The following MED12L variants were observed in gnomAD, a reference collection of about 807,000 sequenced individuals.
The protein encoded by MED12L is mediator complex subunit 12L.
A neutral mutation model predicts 281.3 loss-of-function variants in MED12L; 60 were observed. The ratio of observed to expected loss-of-function variants is 0.21; its 90% CI spans 0.17 to 0.26. The LOEUF is 0.26. Ranked by LOEUF, MED12L falls within the 10% of genes least tolerant of loss-of-function variation. The probability of loss-of-function intolerance (pLI) is 1.00; values close to 1 mark genes in which losing one functional copy is unlikely to be tolerated. For synonymous variants in MED12L, 974 were observed against 987.2 expected (o/e 0.99, Z 0.25); for missense variants, 2,146 against 2,680.9 (o/e 0.80, Z 4.41).
At chr3:151,280,804 A>G (rs1198699185) in intron 16 of MED12L, among the ~76,000 whole-genome samples, 66 of 151,666 alleles carry the variant, frequency 4.4e-4, no homozygotes, top group Non-Finnish European at 1.6e-4. Flanking sequence ...CTCTGTGCCT[A>G]CTAGATCTTT....
intron 16 of MED12L, chr3:151,340,820 A>T (rs1751717294): frequency 6.6e-6 from 1 of 152,574 alleles, no homozygotes; most frequent in African/African-American, 2.4e-5. Flanking sequence ...GTCTTCAAAC[A>T]CTGGACTCAA....
At chr3:151,100,774 C>A (rs1721292199) in intron 2 of MED12L, among the ~76,000 whole-genome samples, 1 of 152,066 alleles carries the variant, frequency 6.6e-6, no homozygotes, top group South Asian at 2.1e-4. Context: ...TCACTTGAAT[C>A]TGCTTTTAAG....
intron 16 of MED12L, among the ~76,000 whole-genome samples, chr3:151,306,399 C>A (rs1003711440): frequency 6.6e-5 from 10 of 152,110 alleles, no homozygotes; most frequent in African/African-American, 2.4e-4. Flanking sequence ...AAGTGAAAAC[C>A]CTACTGATTG....
chr3:151,122,422 A>G (rs1272307039), intron 3 of MED12L, among the ~76,000 whole-genome samples: 1 of 152,240 alleles, frequency 6.6e-6, no homozygotes, highest in Non-Finnish European at 1.5e-5. Flanking sequence ...CAGGGAAAGC[A>G]TTCTCTCCTG....
rs1719699910 is a variant in MED12L at position 151,432,944 on chromosome 3, A to C, written c.*140A>C. 6 of 440,870 alleles carry C rather than the reference A, an allele frequency of 1.4e-5. No individual in the cohort carries two copies. The highest frequency in any genetic ancestry group is 9.1e-5 in the Admixed American group (2 of 21,916). 27.3% of individuals were successfully genotyped at this position (440,870 alleles called of 1,614,324 possible). A position where few individuals can be genotyped will look rare whatever the true frequency, so the allele number is the denominator to read the frequency against. The stretch of plus-strand genomic sequence containing the variant: ...CTATATTTTATGCTACATCTCACAA[A>C]AAAAAAAAAAGGTGTTTAAACAAAA... On this transcript the variant is annotated 3_prime_UTR_variant, in exon 45 of 45. Coordinates refer to ENST00000687756, the MANE Select transcript of MED12L (RefSeq NM_001393769.1).
chr3:151,192,473 A>G (rs1225750521), intron 14 of MED12L, 77 bp from the exon 15 acceptor site: 2 of 1,022,406 alleles, frequency 2.0e-6, no homozygotes, highest in Middle Eastern at 2.0e-4. Context: ...TAAAAATCCC[A>G]CTGTCATGTT....
chr3:151,338,583 C>A, intron 16 of MED12L: 1 of 1,613,770 alleles, frequency 6.2e-7, no homozygotes, highest in Non-Finnish European at 8.5e-7. Flanking sequence ...TGGTCCTGTT[C>A]CCAGTTTGGC....
chr3:151,157,531 A>AT (rs1442012381), intron 6 of MED12L, among the ~76,000 whole-genome samples: 3 of 152,114 alleles, frequency 2.0e-5, no homozygotes, highest in Non-Finnish European at 4.4e-5. Flanking sequence ...TTTTAAAAAA[A>AT]TTTTAATTAA....
At chr3:151,358,844 C>T (rs145748082) in intron 20 of MED12L, among the ~76,000 whole-genome samples, 160 of 152,214 alleles carry the variant, frequency 1.1e-3, no homozygotes, top group African/African-American at 3.4e-3. Context: ...GACTACTATA[C>T]GATGGATACC....
At chr3:151,295,587 A>G (rs944355085) in intron 16 of MED12L, among the ~76,000 whole-genome samples, 9 of 152,248 alleles carry the variant, frequency 5.9e-5, no homozygotes, top group African/African-American at 2.2e-4. Context: ...AGAAAATACA[A>G]TAGCCAACAC....
At chr3:151,414,793 T>A (rs918144374) in intron 42 of MED12L, among the ~76,000 whole-genome samples, 1 of 149,188 alleles carries the variant, frequency 6.7e-6, no homozygotes, top group African/African-American at 2.4e-5. Flanking sequence ...GCAATCTCAG[T>A]CATTGTATAG....
At chr3:151,263,617 AT>A (rs933864552) in intron 16 of MED12L, among the ~76,000 whole-genome samples, 6 of 152,192 alleles carry the variant, frequency 3.9e-5, no homozygotes, top group Admixed American at 1.3e-4. Flanking sequence ...GGAGTTTTAA[AT>A]TTTTTAAGTG....
At chr3:151,231,598 A>G (rs557854424) in intron 16 of MED12L, among the ~76,000 whole-genome samples, 2 of 152,228 alleles carry the variant, frequency 1.3e-5, no homozygotes, top group African/African-American at 2.4e-5. Flanking sequence ...AAAAAAATCA[A>G]TGCCACGAGA....
chr3:151,227,091 C>T (rs17304673), intron 16 of MED12L, among the ~76,000 whole-genome samples: 16,041 of 152,246 alleles, frequency 0.11, 1,136 homozygotes, highest in Middle Eastern at 0.17. Flanking sequence ...CTAACTCCTG[C>T]TGCTGTGACC....
At chr3:151,143,193 T>G (rs1032952485) in intron 5 of MED12L, among the ~76,000 whole-genome samples, 9 of 152,184 alleles carry the variant, frequency 5.9e-5, no homozygotes, top group African/African-American at 2.2e-4. Context: ...GTTTTAGAGC[T>G]TTTTGCTCTA....
chr3:151,305,690 G>A (rs1746544395), intron 16 of MED12L, among the ~76,000 whole-genome samples: 1 of 151,950 alleles, frequency 6.6e-6, no homozygotes, highest in Non-Finnish European at 1.5e-5. Flanking sequence ...TTATACTGTT[G>A]TGGAGTAAAA....
At chr3:151,292,146 A>G (rs535972153) in intron 16 of MED12L, among the ~76,000 whole-genome samples, 19 of 152,366 alleles carry the variant, frequency 1.2e-4, no homozygotes, top group African/African-American at 4.6e-4. Context: ...TAAAGAGGTC[A>G]TACATTTAAT....
Position 151,385,162 on chromosome 3 carries a change from G to A in MED12L, c.5059G>A (p.Ala1687Thr), listed in dbSNP as rs1713115719. 6.3e-7 allele frequency: 1 copy of A among 1,586,612 alleles called. No individual in the cohort carries two copies. Among genetic ancestry groups the A allele is most frequent in the East Asian group, 2.3e-5 (1 of 43,708 alleles). The change falls in exon 36 of 45, where the codon GCT (alanine) becomes ACT (threonine). Residue 1687 changes from alanine to threonine, a missense_variant. Coordinates refer to ENST00000687756, the MANE Select transcript of MED12L (RefSeq NM_001393769.1). Reference sequence around the variant, plus strand: ...GATTGACACAAAAGGAAACAAAATTGCTGGATTTGACTCTATAGATAAAAA... The same window carrying A: ...GATTGACACAAAAGGAAACAAAATTACTGGATTTGACTCTATAGATAAAAA... The part of the protein sequence containing the change: ...SLIDTKGNKI[A>T]GFDSIDKKQG...
intron 16 of MED12L, among the ~76,000 whole-genome samples, chr3:151,285,856 C>T (rs1245932892): frequency 2.0e-5 from 3 of 152,100 alleles, no homozygotes; most frequent in Non-Finnish European, 4.4e-5. Context: ...GGACACAGGG[C>T]ACCATCCATG....
Sources: gnomAD v4.1 joint callset for allele counts (sites outside exome capture counted in the v4.1 genomes callset) on GRCh38, gnomAD v4.1.1 for gene constraint, MANE v1.5 for transcripts, NCBI Gene and HGNC (gene_info 2026-07-23, HGNC 2026-07-21) for gene names.